Variants in GNG2 observed in about 807,000 individuals in gnomAD.
GNG2 encodes the protein guanine nucleotide-binding protein G(I)/G(S)/G(O) subunit gamma-2.
A neutral mutation model predicts 5.5 loss-of-function variants in GNG2; 5 were observed. The ratio of observed to expected loss-of-function variants is 0.91; its 90% CI spans 0.48 to 1.92. The LOEUF (loss-of-function observed/expected upper bound fraction) is 1.92. Among genes scored for constraint, GNG2 ranks in the 30% most tolerant of loss-of-function variants. GNG2 has a pLI of 0.01. For missense variants in GNG2, 55 were observed against 88.4 expected (o/e 0.62, Z 1.52); for synonymous variants, 28 against 32.0 (o/e 0.88, Z 0.42).
intron 2 of GNG2, among the ~76,000 whole-genome samples, chr14:51,924,341 A>G (rs1472409180): frequency 6.6e-6 from 1 of 152,228 alleles, no homozygotes; most frequent in Admixed American, 6.5e-5. Flanking sequence ...AGTCATCACT[A>G]CCAATCATTT....
chr14:51,875,633 C>T (rs972359847), intron 1 of GNG2, among the ~76,000 whole-genome samples: 1 of 151,200 alleles, frequency 6.6e-6, no homozygotes, highest in African/African-American at 2.4e-5. Flanking sequence ...TTATATAATA[C>T]AACTTATATT....
At chr14:51,901,376 A>G (rs1379722165) in intron 2 of GNG2, among the ~76,000 whole-genome samples, 4 of 151,252 alleles carry the variant, frequency 2.6e-5, no homozygotes, top group African/African-American at 7.3e-5. Context: ...TATTTTTTGT[A>G]GTGAAGCAGT....
At chr14:51,878,699 T>G (rs1448224746) in intron 2 of GNG2, among the ~76,000 whole-genome samples, 1 of 152,158 alleles carries the variant, frequency 6.6e-6, no homozygotes, top group South Asian at 2.1e-4. Context: ...GTCTGCAAAT[T>G]TGGACTTTGG....
intron 2 of GNG2, chr14:51,877,910 GGC>G (rs1308588808): frequency 1.1e-5 from 3 of 281,904 alleles, no homozygotes; most frequent in African/African-American, 6.8e-5. Context: ...GAGCCTTTGA[GGC>G]TGCTGTCTTA....
At chr14:51,864,489 C>A (rs1452854712) in intron 1 of GNG2, among the ~76,000 whole-genome samples, 2 of 152,154 alleles carry the variant, frequency 1.3e-5, no homozygotes, top group Non-Finnish European at 2.9e-5. Flanking sequence ...CTCCTTTATA[C>A]AACAGTATTA....
chr14:51,888,974 C>T (rs909523928), intron 2 of GNG2, among the ~76,000 whole-genome samples: 3 of 152,048 alleles, frequency 2.0e-5, no homozygotes, highest in Non-Finnish European at 4.4e-5. Context: ...CAACAGGCTA[C>T]ATATTATATG....
intron 2 of GNG2, among the ~76,000 whole-genome samples, chr14:51,855,171 T>A (rs1882099630): frequency 6.6e-6 from 1 of 152,202 alleles, no homozygotes; most frequent in Non-Finnish European, 1.5e-5. Context: ...CTGGGGGGCT[T>A]CGCACTACTG....
At chr14:51,961,730 G>A (rs1889626205) in intron 3 of GNG2, among the ~76,000 whole-genome samples, 2 of 152,166 alleles carry the variant, frequency 1.3e-5, no homozygotes, top group Admixed American at 1.3e-4. Context: ...CCATTGAGGA[G>A]ATGAAGAGAA....
At chr14:51,842,787 C>A (rs1453676986) in intron 2 of GNG2, among the ~76,000 whole-genome samples, 1 of 152,030 alleles carries the variant, frequency 6.6e-6, no homozygotes, top group Non-Finnish European at 1.5e-5. Flanking sequence ...GCCTCAGCCT[C>A]ACCAGTAGCT....
chr14:51,939,842 A>T (rs1888213279), intron 2 of GNG2: 1 of 152,212 alleles, frequency 6.6e-6, no homozygotes. Context: ...CCAGATTAGG[A>T]TCAGTCTGGT....
chr14:51,834,438 CAG>C (rs1256736006), intron 2 of GNG2, among the ~76,000 whole-genome samples: 2 of 152,200 alleles, frequency 1.3e-5, no homozygotes, highest in Non-Finnish European at 2.9e-5. Context: ...TGACAGAAAA[CAG>C]AGCTTGTCGA....
At chr14:51,869,325 A>G (rs1883147491) in intron 1 of GNG2, among the ~76,000 whole-genome samples, 1 of 152,248 alleles carries the variant, frequency 6.6e-6, no homozygotes, top group Non-Finnish European at 1.5e-5. Context: ...ATAGGAGGGT[A>G]GCTTCAGAGT....
At chr14:51,849,177 T>A (rs1881791495) in intron 2 of GNG2, among the ~76,000 whole-genome samples, 1 of 152,206 alleles carries the variant, frequency 6.6e-6, no homozygotes, top group South Asian at 2.1e-4. Context: ...CTTACATGGC[T>A]GGCAAGTTGG....
chr14:51,910,153 G>T (rs1886208494), intron 2 of GNG2, among the ~76,000 whole-genome samples: 2 of 152,162 alleles, frequency 1.3e-5, no homozygotes, highest in Admixed American at 6.5e-5. Context: ...TATAGATTTG[G>T]AAACTGTATT....
intron 2 of GNG2, among the ~76,000 whole-genome samples, chr14:51,927,858 TTTGTTG>T (rs150493266): frequency 1.3e-4 from 20 of 151,416 alleles, no homozygotes; most frequent in South Asian, 4.2e-4. Flanking sequence ...CTTCTGGTGG[TTTGTTG>T]TTGTTGTTGT....
At chr14:51,919,040 G>A (rs1047664856) in intron 2 of GNG2, among the ~76,000 whole-genome samples, 4 of 152,054 alleles carry the variant, frequency 2.6e-5, no homozygotes, top group Non-Finnish European at 4.4e-5. Context: ...GGTCAGGCTG[G>A]TCTCGAACTC....
At chr14:51,965,143 T>G (rs1394285272) in intron 3 of GNG2, among the ~76,000 whole-genome samples, 2 of 152,210 alleles carry the variant, frequency 1.3e-5, no homozygotes, top group Non-Finnish European at 2.9e-5. Context: ...AGCAAGCTTA[T>G]GTCACTGGGC....
chr14:51,902,780 C>G lies in GNG2; in HGVS notation c.-30+25123C>G, dbSNP rs1885653657. Among the ~76,000 whole-genome samples the G allele has an allele frequency of 2.6e-5, 4 of 152,194 alleles. No individual in the cohort carries two copies. The South Asian group carries it at 8.3e-4, about 32-fold the overall frequency. On this transcript the variant is annotated intron_variant, in intron 2 of 3. Coordinates refer to ENST00000556766, the MANE Select transcript of GNG2 (RefSeq NM_053064.5). ...GTGCACAACTGTAGTCTCAGCTACC[C>G]TGGAGGCTGAGGTCAGAGGATCATT...
intron 1 of GNG2, among the ~76,000 whole-genome samples, chr14:51,870,251 A>G (rs977091620): frequency 5.4e-5 from 7 of 129,536 alleles, no homozygotes; most frequent in African/African-American, 2.1e-4. Flanking sequence ...AAATATTAAG[A>G]AAAAAAAAAC....
Sources: gnomAD v4.1 joint callset for allele counts (sites outside exome capture counted in the v4.1 genomes callset) on GRCh38, gnomAD v4.1.1 for gene constraint, MANE v1.5 for transcripts, NCBI Gene and HGNC (gene_info 2026-07-23, HGNC 2026-07-21) for gene names.